Variants in NCKAP5 observed in about 807,000 individuals in gnomAD.
NCKAP5 encodes the protein nck-associated protein 5.
NCKAP5 carries 92 observed loss-of-function variants against 167.0 expected under a neutral mutation model. The observed-to-expected ratio is 0.55, with a 90% confidence interval of 0.47 to 0.66. NCKAP5 has a LOEUF of 0.66. Among genes scored for constraint, NCKAP5 ranks in the 30% least tolerant of loss-of-function variants. The pLI is 0.00. For synonymous variants in NCKAP5, 891 were observed against 877.4 expected (o/e 1.02, Z -0.27); for missense variants, 2,378 against 2,315.0 (o/e 1.03, Z -0.56).
chr2:132,690,795 T>C (rs1477707997), intron 19 of NCKAP5, among the ~76,000 whole-genome samples: 1 of 152,068 alleles, frequency 6.6e-6, no homozygotes, highest in Non-Finnish European at 1.5e-5. Context: ...AAACAAGGCA[T>C]TTCTCCCCTT....
At chr2:133,250,017 T>TTATTATTA (rs1374320517) in intron 4 of NCKAP5, among the ~76,000 whole-genome samples, 1 of 147,066 alleles carries the variant, frequency 6.8e-6, no homozygotes, top group East Asian at 2.0e-4. Flanking sequence ...ATTATTATTA[T>TTATTATTA]TATTATTATT....
At chr2:133,535,345 C>T (rs749089348) in intron 2 of NCKAP5, among the ~76,000 whole-genome samples, 2 of 152,006 alleles carry the variant, frequency 1.3e-5, no homozygotes, top group Non-Finnish European at 2.9e-5. Context: ...TATGTCCGTG[C>T]ATACCCATTG....
chr2:132,738,354 A>G (rs1472620116), intron 16 of NCKAP5, among the ~76,000 whole-genome samples: 2 of 152,198 alleles, frequency 1.3e-5, no homozygotes, highest in African/African-American at 4.8e-5. Flanking sequence ...CTGGGCCTGA[A>G]GGTCCCAGGT....
intron 3 of NCKAP5, among the ~76,000 whole-genome samples, chr2:133,492,355 T>C (rs1681542095): frequency 1.3e-5 from 2 of 152,190 alleles, no homozygotes; most frequent in South Asian, 4.1e-4. Flanking sequence ...AAAGAAGATG[T>C]AGTATATGAA....
intron 4 of NCKAP5, among the ~76,000 whole-genome samples, chr2:133,271,402 T>C (rs1464988859): frequency 1.3e-5 from 2 of 152,188 alleles, no homozygotes; most frequent in Admixed American, 6.5e-5. Flanking sequence ...AAGGGAGAAA[T>C]CACCTGACAT....
intron 3 of NCKAP5, among the ~76,000 whole-genome samples, chr2:133,397,882 G>A (rs1435683405): frequency 1.3e-5 from 2 of 152,172 alleles, no homozygotes; most frequent in Non-Finnish European, 2.9e-5. Context: ...CTCAGGCAAG[G>A]AGATCTAAGC....
intron 2 of NCKAP5, among the ~76,000 whole-genome samples, chr2:133,529,972 CTTTG>C (rs1685228163): frequency 6.6e-6 from 1 of 152,120 alleles, no homozygotes; most frequent in Non-Finnish European, 1.5e-5. Flanking sequence ...TGTCTCTTCA[CTTTG>C]TTATGGTATA....
intron 2 of NCKAP5, among the ~76,000 whole-genome samples, chr2:133,545,871 C>G (rs75314899): frequency 6.6e-6 from 1 of 152,066 alleles, no homozygotes; most frequent in African/African-American, 2.4e-5. Flanking sequence ...GATACACAAA[C>G]CTCTTCATCA....
At chr2:132,997,048 T>A (rs1187199859) in intron 6 of NCKAP5, among the ~76,000 whole-genome samples, 1 of 152,222 alleles carries the variant, frequency 6.6e-6, no homozygotes, top group African/African-American at 2.4e-5. Context: ...AGCTTCTCCC[T>A]CTTACTAAGG....
At chr2:133,006,845 T>C (rs1446762201) in intron 6 of NCKAP5, among the ~76,000 whole-genome samples, 1 of 152,194 alleles carries the variant, frequency 6.6e-6, no homozygotes, top group Non-Finnish European at 1.5e-5. Context: ...GATGGAACAG[T>C]GGCAAAGAGA....
At chr2:132,749,700 A>ATT (rs201181718) in intron 16 of NCKAP5, among the ~76,000 whole-genome samples, 3,478 of 148,440 alleles carry the variant, frequency 0.023, 121 homozygotes, top group African/African-American at 0.08. Context: ...TAAAGGTAGC[A>ATT]TTTTTTTTTT....
At position 132,784,645 on chromosome 2, in the gene NCKAP5, T is replaced by C; in HGVS notation, c.2166A>G (p.Pro722=). 6.2e-7 allele frequency: 1 copy of C among 1,613,916 alleles called. No individual in the cohort carries two copies. Among genetic ancestry groups the C allele is most frequent in the Non-Finnish European group, 8.5e-7 (1 of 1,179,826 alleles). Residue 722 remains proline, a synonymous_variant, in exon 14 of 20, where the codon CCA becomes CCG. Transcript: ENST00000409261. The stretch of plus-strand genomic sequence containing the variant: ...AAGTATAGTCTCTTGCAGCAGCTCT[T>C]GGCTGTAAACAAGCAATTCCCTGAG... ...LLPQGIACLQ[P]RAAARDYTFF... is the part of the protein sequence containing the mutation.
intron 15 of NCKAP5, among the ~76,000 whole-genome samples, chr2:132,778,722 A>G (rs1163149429): frequency 6.6e-6 from 1 of 152,200 alleles, no homozygotes; most frequent in Non-Finnish European, 1.5e-5. Context: ...AGTGGGGGGA[A>G]ATTCTCTTCA....
intron 19 of NCKAP5, among the ~76,000 whole-genome samples, chr2:132,702,128 AC>A (rs1687943908): frequency 6.6e-6 from 1 of 152,086 alleles, no homozygotes; most frequent in African/African-American, 2.4e-5. Context: ...GAATACATTT[AC>A]TCCCATCCAG....
At chr2:133,183,063 A>G (rs897682508) in intron 5 of NCKAP5, among the ~76,000 whole-genome samples, 4 of 152,088 alleles carry the variant, frequency 2.6e-5, no homozygotes, top group African/African-American at 9.7e-5. Context: ...ACCCAATAAG[A>G]AACAGATAAT....
chr2:133,213,906 T>G, intron 4 of NCKAP5, 127 bp from the exon 5 acceptor site: 1 of 756,460 alleles, frequency 1.3e-6, no homozygotes, highest in South Asian at 1.7e-5. Flanking sequence ...CTTCCTCCTC[T>G]ATACTTTCTA....
intron 3 of NCKAP5, among the ~76,000 whole-genome samples, chr2:133,425,643 A>G (rs1289438404): frequency 6.6e-6 from 1 of 152,230 alleles, no homozygotes; most frequent in Non-Finnish European, 1.5e-5. Flanking sequence ...AATAGTATGA[A>G]GGTTAAAAAG....
chr2:133,258,856 A>T (rs1453358045), intron 4 of NCKAP5, among the ~76,000 whole-genome samples: 1 of 152,124 alleles, frequency 6.6e-6, no homozygotes, highest in Non-Finnish European at 1.5e-5. Context: ...GGAGAGAAAC[A>T]TTTTTTAAAC....
rs1686536487 is a variant in NCKAP5, at chr2:132,690,183, G to A, written c.5714-16878C>T. On this transcript the variant is annotated intron_variant, in intron 19 of 19. Transcript: ENST00000409261. ...TGGTATGTCTCCCCATGTCTGTGTG[G>A]GTTTTCTCCAGGGACTTCAGGTTCC... is the stretch of plus-strand genomic sequence containing the variant. 3.9e-5 allele frequency among the ~76,000 whole-genome samples: 6 copies of A among 152,122 alleles called. No homozygotes were observed. In the South Asian group the frequency reaches 1.2e-3, roughly 32 times the overall value.
Sources: allele counts gnomAD v4.1 joint callset (sites outside exome capture counted in the v4.1 genomes callset), GRCh38; gene constraint gnomAD v4.1.1; transcripts MANE v1.5; gene names NCBI Gene and HGNC (gene_info 2026-07-23, HGNC 2026-07-21).